The following CSMD1 variants were observed in gnomAD, a reference collection of about 807,000 sequenced individuals.
CSMD1 encodes the protein CUB and sushi domain-containing protein 1.
CSMD1 carries 213 observed loss-of-function variants against 417.5 expected under a neutral mutation model. The ratio of observed to expected loss-of-function variants is 0.51; its 90% CI spans 0.46 to 0.57. The LOEUF (loss-of-function observed/expected upper bound fraction) is 0.57. Among genes scored for constraint, CSMD1 ranks in the 20% least tolerant of loss-of-function variants. The pLI, the probability that CSMD1 is intolerant of heterozygous loss-of-function variation, is 0.00. For missense variants in CSMD1, 6,923 were observed against 4,529.7 expected (o/e 1.53, Z -15.17); for synonymous variants, 2,862 against 1,736.8 (o/e 1.65, Z -16.11).
chr8:3,167,087 G>C (rs779929611), intron 37 of CSMD1, among the ~76,000 whole-genome samples: 1 of 152,058 alleles, frequency 6.6e-6, no homozygotes, highest in Non-Finnish European at 1.5e-5. Context: ...GAGTTCCAGA[G>C]CAGCCTGGTC....
intron 7 of CSMD1, among the ~76,000 whole-genome samples, chr8:3,678,189 A>G (rs1668461609): frequency 6.6e-6 from 1 of 152,192 alleles, no homozygotes; most frequent in Non-Finnish European, 1.5e-5. Flanking sequence ...TGGACGGAGA[A>G]TGACTTTGAT....
At chr8:3,793,812 C>A (rs780836987) in intron 5 of CSMD1, among the ~76,000 whole-genome samples, 2 of 152,168 alleles carry the variant, frequency 1.3e-5, no homozygotes, top group Admixed American at 6.5e-5. Context: ...TGCCCCAGGG[C>A]ACTAAATGTC....
intron 9 of CSMD1, 48 bp downstream of exon 9, chr8:3,586,088 C>G: frequency 6.3e-7 from 1 of 1,577,784 alleles, no homozygotes; most frequent in Non-Finnish European, 8.6e-7. Context: ...AAAATGCCAA[C>G]CTTAAAGAAA....
intron 23 of CSMD1, among the ~76,000 whole-genome samples, chr8:3,340,617 T>C (rs1807583132): frequency 6.6e-6 from 1 of 152,234 alleles, no homozygotes; most frequent in Non-Finnish European, 1.5e-5. Flanking sequence ...CGGTCATCAT[T>C]TCTGAGACAT....
At chr8:4,119,991 T>C (rs988131901) in intron 3 of CSMD1, among the ~76,000 whole-genome samples, 1 of 152,162 alleles carries the variant, frequency 6.6e-6, no homozygotes, top group African/African-American at 2.4e-5. Flanking sequence ...ACCTAGTATT[T>C]GATAGCACAA....
chr8:3,296,815 T>A (rs900857415), intron 25 of CSMD1, among the ~76,000 whole-genome samples: 1 of 152,130 alleles, frequency 6.6e-6, no homozygotes, highest in Non-Finnish European at 1.5e-5. Context: ...GCAGTATGTT[T>A]ATGGGATGGG....
rs1439027941 is a variant in CSMD1, at chr8:4,480,079, G to C, written c.303-60014C>G. Among the ~76,000 whole-genome samples, 42 of 151,632 alleles carry C rather than the reference G, an allele frequency of 2.8e-4. 1 individual carries two copies. The highest frequency in any genetic ancestry group is 2.0e-3 in the Admixed American group (31 of 15,222). On this transcript the variant is annotated intron_variant, in intron 2 of 69. Coordinates refer to ENST00000635120, the MANE Select transcript of CSMD1 (RefSeq NM_033225.6). ...GTCGTGAGTTCTGTTAGAGAAGTTTGAAGTAGCTGAACCATGACCAGTTAA... is the reference window on the plus strand; with the variant it reads ...GTCGTGAGTTCTGTTAGAGAAGTTTCAAGTAGCTGAACCATGACCAGTTAA...
At chr8:4,134,781 A>G (rs1803316819) in intron 3 of CSMD1, among the ~76,000 whole-genome samples, 1 of 152,146 alleles carries the variant, frequency 6.6e-6, no homozygotes, top group Non-Finnish European at 1.5e-5. Context: ...CATTCTCAAC[A>G]CGGCATCATG....
intron 6 of CSMD1, among the ~76,000 whole-genome samples, chr8:3,718,531 T>A (rs751808900): frequency 1.3e-5 from 2 of 152,180 alleles, no homozygotes; most frequent in Non-Finnish European, 2.9e-5. Context: ...ATATTCCTGA[T>A]TGGTTATCAG....
chr8:4,150,265 C>G (rs928269039), intron 3 of CSMD1, among the ~76,000 whole-genome samples: 1 of 152,184 alleles, frequency 6.6e-6, no homozygotes, highest in African/African-American at 2.4e-5. Context: ...CCTGCATTCC[C>G]TTTCCCCAGA....
chr8:4,429,398 C>T (rs185557033), intron 2 of CSMD1, among the ~76,000 whole-genome samples: 242 of 152,132 alleles, frequency 1.6e-3, no homozygotes, highest in African/African-American at 5.5e-3. Flanking sequence ...CAAACTATAT[C>T]GGACAAAGAA....
At chr8:4,328,911 T>C (rs1799708337) in intron 3 of CSMD1, among the ~76,000 whole-genome samples, 1 of 152,336 alleles carries the variant, frequency 6.6e-6, no homozygotes, top group African/African-American at 2.4e-5. Context: ...ATATTGGTAG[T>C]GTGTTGTTTG....
intron 8 of CSMD1, among the ~76,000 whole-genome samples, chr8:3,593,626 G>A (rs1800959314): frequency 6.6e-6 from 1 of 152,176 alleles, no homozygotes; most frequent in African/African-American, 2.4e-5. Context: ...AGAATGAACA[G>A]ATAAAGTTTT....
chr8:4,909,486 G>A (rs554361381), intron 1 of CSMD1, among the ~76,000 whole-genome samples: 1 of 152,266 alleles, frequency 6.6e-6, no homozygotes, highest in African/African-American at 2.4e-5. Context: ...TAACCTTCTA[G>A]CAGAGATTTT....
intron 11 of CSMD1, among the ~76,000 whole-genome samples, chr8:3,479,886 A>T (rs907587163): frequency 2.0e-5 from 3 of 152,368 alleles, no homozygotes; most frequent in Middle Eastern, 3.4e-3. Flanking sequence ...AAATCTAAGT[A>T]AAGAAATAAG....
intron 1 of CSMD1, among the ~76,000 whole-genome samples, chr8:4,968,850 C>T (rs918964772): frequency 6.6e-6 from 1 of 152,148 alleles, no homozygotes; most frequent in African/African-American, 2.4e-5. Context: ...GGATCTACTG[C>T]ACACCGCTTA....
At chr8:3,423,626 C>G (rs1457095474) in intron 12 of CSMD1, among the ~76,000 whole-genome samples, 5 of 152,180 alleles carry the variant, frequency 3.3e-5, no homozygotes, top group Admixed American at 2.6e-4. Flanking sequence ...ATTTGTCTAT[C>G]TTGTCACCAG....
At chr8:4,612,821 A>G (rs1801253576) in intron 2 of CSMD1, among the ~76,000 whole-genome samples, 1 of 152,236 alleles carries the variant, frequency 6.6e-6, no homozygotes, top group Non-Finnish European at 1.5e-5. Context: ...TGGCTTTGAC[A>G]GAATTTAAGA....
rs550568728 is a variant in CSMD1, at chr8:3,169,147, G to A, written c.5726-6870C>T. On this transcript the variant is annotated intron_variant, in intron 37 of 69. Transcript: ENST00000635120. Reference sequence around the variant, plus strand: ...TATTCAAGGTCATAAGCCAGGAAATGACATAGCCTCTGCATTACACATGTG... The same window carrying A: ...TATTCAAGGTCATAAGCCAGGAAATAACATAGCCTCTGCATTACACATGTG... Among the ~76,000 whole-genome samples the A allele has an allele frequency of 2.6e-5, 4 of 152,268 alleles. No individual in the cohort carries two copies. In the East Asian group the frequency reaches 7.7e-4, roughly 29 times the overall value.
Sources: gnomAD v4.1 joint callset for allele counts (sites outside exome capture counted in the v4.1 genomes callset) on GRCh38, gnomAD v4.1.1 for gene constraint, MANE v1.5 for transcripts, NCBI Gene and HGNC (gene_info 2026-07-23, HGNC 2026-07-21) for gene names.